The following NUDCD1 variants were observed in gnomAD, a reference collection of about 807,000 sequenced individuals.
NUDCD1 encodes the protein nudC domain-containing protein 1.
A neutral mutation model predicts 67.8 loss-of-function variants in NUDCD1; 60 were observed. That is an observed-to-expected ratio of 0.88 (90% confidence interval 0.72 to 1.10). The LOEUF is 1.10. Ranked by LOEUF, NUDCD1 falls within the 50% of genes least tolerant of loss-of-function variation. The pLI, the probability that NUDCD1 is intolerant of heterozygous loss-of-function variation, is 0.00. For synonymous variants in NUDCD1, 244 were observed against 230.8 expected, an observed-to-expected ratio of 1.06 and a Z score of -0.52; for missense variants, 643 against 695.0, an observed-to-expected ratio of 0.93 and a Z score of 0.84.
At chr8:109,263,074 A>AAAAAAC (rs1329691685) in intron 8 of NUDCD1, among the ~76,000 whole-genome samples, 2 of 150,052 alleles carry the variant, frequency 1.3e-5, no homozygotes, top group Non-Finnish European at 3.0e-5. Context: ...AAAAAAAAAA[A>AAAAAAC]AAAAACCCTG....
At chr8:109,298,751 G>A (rs547430077) in intron 2 of NUDCD1, 10 of 152,290 alleles carry the variant, frequency 6.6e-5, no homozygotes, top group Admixed American at 2.6e-4. Context: ...CATGACAGAC[G>A]GGAGGCAGGA....
Position 109,271,085 on chromosome 8 carries a change from A to G in NUDCD1, c.1219T>C (p.Leu407=). The G allele has an allele frequency of 6.3e-7, 1 of 1,592,812 alleles. No individual in the cohort carries two copies. The stretch of plus-strand genomic sequence containing the variant: ...TCAAAGAAAATATCACATTCTTCTA[A>G]CTCTTGAGCATTGCAAGGTGGTTTT... ...KEKPPCNAQE[L]EECDIFFEES... is the part of the protein sequence containing the mutation. Residue 407 remains leucine (L), a synonymous_variant, in exon 8 of 10, where the codon TTA becomes CTA. Transcript: ENST00000239690.
chr8:109,249,137 A>G (rs1813567222), intron 8 of NUDCD1, among the ~76,000 whole-genome samples: 1 of 152,186 alleles, frequency 6.6e-6, no homozygotes, highest in Non-Finnish European at 1.5e-5. Context: ...TATGGTAACT[A>G]CTACTCACTT....
At chr8:109,247,503 G>A (rs1813526614) in intron 8 of NUDCD1, among the ~76,000 whole-genome samples, 1 of 152,124 alleles carries the variant, frequency 6.6e-6, no homozygotes, top group Non-Finnish European at 1.5e-5. Context: ...ATGAAGGTAG[G>A]TGCCTTATTA....
intron 1 of NUDCD1, 49 bp from the exon 2 acceptor site, chr8:109,322,512 T>G: frequency 1.3e-6 from 2 of 1,490,320 alleles, no homozygotes; most frequent in Non-Finnish European, 1.8e-6. Flanking sequence ...TTGCCTCAGA[T>G]AGTTTCTATC....
intron 6 of NUDCD1, among the ~76,000 whole-genome samples, chr8:109,277,272 A>G (rs1199626273): frequency 6.6e-6 from 1 of 152,204 alleles, no homozygotes; most frequent in Non-Finnish European, 1.5e-5. Context: ...CTGAAAAAAT[A>G]TATGTAAATA....
intron 8 of NUDCD1, among the ~76,000 whole-genome samples, chr8:109,270,080 G>GGTGGC (rs1814106284): frequency 1.0e-4 from 2 of 20,058 alleles, no homozygotes; most frequent in African/African-American, 1.2e-4. Flanking sequence ...GGGGGGGGGG[G>GGTGGC]GGTGCCTTAA....
chr8:109,244,590 G>T (rs1813451508), intron 9 of NUDCD1, among the ~76,000 whole-genome samples: 1 of 152,046 alleles, frequency 6.6e-6, no homozygotes, highest in East Asian at 1.9e-4. Flanking sequence ...TCTACAATTA[G>T]GGTTGTGCAC....
intron 8 of NUDCD1, among the ~76,000 whole-genome samples, chr8:109,250,700 TC>T (rs1813604288): frequency 6.6e-6 from 1 of 152,214 alleles, no homozygotes; most frequent in Non-Finnish European, 1.5e-5. Context: ...TTTTTCATAT[TC>T]TTTTTCTGCA....
chr8:109,319,738 G>A (rs16879299), intron 2 of NUDCD1, among the ~76,000 whole-genome samples: 1,699 of 152,174 alleles, frequency 0.011, 28 homozygotes, highest in African/African-American at 0.038. Context: ...GAGAAAACTC[G>A]GCATATAAAC....
chr8:109,311,757 T>G (rs1391095563), intron 2 of NUDCD1, among the ~76,000 whole-genome samples: 1 of 151,566 alleles, frequency 6.6e-6, no homozygotes, highest in Middle Eastern at 3.2e-3. Flanking sequence ...ACAATGGACT[T>G]TGAGGACTCG....
chr8:109,303,618 C>T (rs75925461), intron 2 of NUDCD1, among the ~76,000 whole-genome samples: 1 of 142,442 alleles, frequency 7.0e-6, no homozygotes, highest in Admixed American at 7.1e-5. Context: ...TCCTAGGCTA[C>T]AGCCACCCCT....
intron 4 of NUDCD1, among the ~76,000 whole-genome samples, chr8:109,290,987 T>C (rs1477400295): frequency 6.6e-6 from 1 of 152,114 alleles, no homozygotes; most frequent in African/African-American, 2.4e-5. Context: ...CCCCTATAGA[T>C]ACATGCAGGG....
At chr8:109,245,907 G>T (rs1013912686) in intron 8 of NUDCD1, among the ~76,000 whole-genome samples, 1 of 152,224 alleles carries the variant, frequency 6.6e-6, no homozygotes, top group Non-Finnish European at 1.5e-5. Context: ...GAGATGAGCA[G>T]CAGGCAAGGG....
At chr8:109,310,710 A>C (rs554373481) in intron 2 of NUDCD1, among the ~76,000 whole-genome samples, 13 of 152,268 alleles carry the variant, frequency 8.5e-5, no homozygotes, top group Non-Finnish European at 1.2e-4. Flanking sequence ...AAATCTTCAC[A>C]ATCTATACAT....
chr8:109,282,358 C>T (rs1814464658), intron 5 of NUDCD1, among the ~76,000 whole-genome samples: 2 of 152,026 alleles, frequency 1.3e-5, no homozygotes, highest in Admixed American at 1.3e-4. Flanking sequence ...AACTGCATAG[C>T]CCAATATACA....
At chr8:109,325,177 A>T (rs1256778855) in intron 1 of NUDCD1, among the ~76,000 whole-genome samples, 2 of 152,034 alleles carry the variant, frequency 1.3e-5, no homozygotes, top group African/African-American at 4.8e-5. Context: ...GAGTAGAAAG[A>T]TAGTTATCAG....
At position 109,322,374 on chromosome 8, in the gene NUDCD1, A is replaced by G. The variant is rs1815561591; in HGVS notation, c.208T>C (p.Trp70Arg). The change falls in exon 2 of 10, where the codon TGG (tryptophan) becomes CGG (arginine). Residue 70 changes from tryptophan (W) to arginine (R), a missense_variant. By Grantham distance (101) the Trp-to-Arg change is moderately radical. Coordinates refer to ENST00000239690, the MANE Select transcript of NUDCD1 (RefSeq NM_032869.4). ...ATATAGTAGACACTGTCTTGATACC[A>G]TGAATCACAGTGCAGGTAATTATAC... Reference protein sequence around the residue: ...GMYNYLHCDSWYQDSVYYIDT... With the variant: ...GMYNYLHCDSRYQDSVYYIDT... 1 of 1,591,048 alleles carries G rather than the reference A, an allele frequency of 6.3e-7. No individual in the cohort carries two copies. Among genetic ancestry groups the G allele is most frequent in the Non-Finnish European group, 8.6e-7 (1 of 1,159,898 alleles).
intron 8 of NUDCD1, among the ~76,000 whole-genome samples, chr8:109,261,803 C>T (rs1270914371): frequency 1.3e-5 from 2 of 151,766 alleles, no homozygotes; most frequent in Admixed American, 1.3e-4. Context: ...CATAATTTGC[C>T]CGGTTTAATT....
Sources: gnomAD v4.1 joint callset for allele counts (sites outside exome capture counted in the v4.1 genomes callset) on GRCh38, gnomAD v4.1.1 for gene constraint, MANE v1.5 for transcripts, NCBI Gene and HGNC (gene_info 2026-07-23, HGNC 2026-07-21) for gene names.